The following SLC25A20 variants were observed in gnomAD, a reference collection of about 807,000 sequenced individuals.
SLC25A20 encodes mitochondrial carnitine/acylcarnitine carrier protein.
A neutral mutation model predicts 39.7 loss-of-function variants in SLC25A20; 29 were observed. The ratio of observed to expected loss-of-function variants is 0.73; its 90% CI spans 0.54 to 1.00. The LOEUF (loss-of-function observed/expected upper bound fraction) is 1.00. SLC25A20 is among the 50% of genes least tolerant of loss of function. SLC25A20 has a pLI of 0.00. For missense variants in SLC25A20, 333 were observed against 379.9 expected (o/e 0.88, Z 1.03); for synonymous variants, 103 against 142.2 (o/e 0.72, Z 1.96).
chr3:48,877,345 C>T (rs769603653), intron 4 of SLC25A20, among the ~76,000 whole-genome samples: 10 of 151,948 alleles, frequency 6.6e-5, no homozygotes, highest in Non-Finnish European at 1.2e-4. Context: ...ACCCAAGAGG[C>T]GGAGGTTGCG....
intron 4 of SLC25A20, 80 bp downstream of exon 4, chr3:48,879,278 A>T: frequency 9.4e-7 from 1 of 1,067,082 alleles, no homozygotes; most frequent in South Asian, 1.3e-5. Flanking sequence ...AGCCTTTATT[A>T]AGGGTGAAAG....
Position 48,857,666 on chromosome 3 carries a change from G to A in SLC25A20, c.*44C>T, listed in dbSNP as rs775097672. The A allele has an allele frequency of 1.1e-5, 18 of 1,590,398 alleles. No homozygotes were observed. The highest frequency in any genetic ancestry group is 3.4e-5 in the Admixed American group (2 of 59,456). Reference sequence around the variant, plus strand: ...CTGCTTACTACTCCTTCTCCTCAACGACAGCTTCCAGCATCCAGAAGTGAA... The same window carrying A: ...CTGCTTACTACTCCTTCTCCTCAACAACAGCTTCCAGCATCCAGAAGTGAA... On this transcript the variant is annotated 3_prime_UTR_variant, in exon 9 of 9. Transcript: ENST00000319017.
intron 3 of SLC25A20, among the ~76,000 whole-genome samples, chr3:48,881,438 G>T (rs2083795082): frequency 6.6e-6 from 1 of 152,080 alleles, no homozygotes; most frequent in South Asian, 2.1e-4. Context: ...GGTGTCATGT[G>T]GACACTCAAT....
intron 1 of SLC25A20, among the ~76,000 whole-genome samples, chr3:48,897,568 A>G (rs2083919551): frequency 6.6e-6 from 1 of 151,924 alleles, no homozygotes; most frequent in African/African-American, 2.4e-5. Context: ...ATGTTGCACA[A>G]TGACCTAGCC....
chr3:48,871,982 A>AT (rs71077746), intron 4 of SLC25A20, among the ~76,000 whole-genome samples: 36,253 of 56,686 alleles, frequency 0.64, 14,221 homozygotes, highest in East Asian at 0.95. Flanking sequence ...TGCCCAGCTA[A>AT]TTTTTTTTTT....
In SLC25A20 at chr3:48,891,994, T is replaced by A; in HGVS notation, c.184A>T (p.Thr62Ser). ...YSGTFDCFRKTLFREGITGLY... is the reference protein window; with the variant it reads ...YSGTFDCFRKSLFREGITGLY... ...CATATACCAACCTCTCTAAAAAGAG[T>A]CTTCCGGAAACAGTCAAAGGTCCCA... The change falls in exon 2 of 9, where the codon ACT becomes TCT. Residue 62 changes from threonine to serine, a missense_variant. By Grantham distance (58) the Thr-to-Ser change is moderately conservative. Coordinates refer to ENST00000319017, the MANE Select transcript of SLC25A20 (RefSeq NM_000387.6). 1 of 1,613,184 alleles carries A rather than the reference T, an allele frequency of 6.2e-7. No individual in the cohort carries two copies. Among genetic ancestry groups the A allele is most frequent in the Non-Finnish European group, 8.5e-7 (1 of 1,179,622 alleles).
At chr3:48,870,815 T>A (rs2083709324) in intron 4 of SLC25A20, among the ~76,000 whole-genome samples, 1 of 16,496 alleles carries the variant, frequency 6.1e-5, no homozygotes, top group Non-Finnish European at 1.2e-4. Context: ...AGGAATCAGA[T>A]TTTTTTTTTT....
intron 4 of SLC25A20, among the ~76,000 whole-genome samples, chr3:48,864,495 A>G (rs2083651313): frequency 1.3e-5 from 2 of 152,042 alleles, no homozygotes; most frequent in Admixed American, 1.3e-4. Flanking sequence ...AAAGTTTTCA[A>G]TAAGAAAGAT....
In SLC25A20 at chr3:48,862,619, A is replaced by C. The variant is rs1402507190; in HGVS notation, c.458T>G (p.Leu153Trp). 6.2e-7 allele frequency: 1 copy of C among 1,613,956 alleles called. No individual in the cohort carries two copies. The highest frequency in any genetic ancestry group is 8.5e-7 in the Non-Finnish European group (1 of 1,179,930). The change falls in exon 5 of 9, where the codon TTG becomes TGG. Residue 153 changes from leucine to tryptophan, a missense_variant. Leu to Trp is a moderately conservative substitution (Grantham distance 61). Coordinates refer to ENST00000319017, the MANE Select transcript of SLC25A20 (RefSeq NM_000387.6). ...CTGGTACAGCTTCTTTGCACAGTCC[A>C]AGGTACCAGTGTACTTGCTTTCTCC... ...SSGESKYTGT[L>W]DCAKKLYQEF...
At chr3:48,874,010 C>T (rs6446253) in intron 4 of SLC25A20, among the ~76,000 whole-genome samples, 95,399 of 145,068 alleles carry the variant, frequency 0.66, 31,875 homozygotes, top group East Asian at 0.96. Context: ...AGACTTAGGG[C>T]GAGCATGATG....
intron 2 of SLC25A20, among the ~76,000 whole-genome samples, chr3:48,889,805 A>AAAAGCTT (rs1199655280): frequency 1.3e-5 from 2 of 152,368 alleles, no homozygotes; most frequent in Admixed American, 1.3e-4. Flanking sequence ...TATAAACATT[A>AAAAGCTT]TTAATCATTA....
intron 5 of SLC25A20, among the ~76,000 whole-genome samples, chr3:48,861,415 C>G (rs1174197595): frequency 1.3e-5 from 2 of 152,176 alleles, no homozygotes; most frequent in African/African-American, 4.8e-5. Context: ...AGTACAAACA[C>G]ACATGATATA....
At chr3:48,885,273 G>GAAA (rs900821464) in intron 2 of SLC25A20, among the ~76,000 whole-genome samples, 4 of 137,136 alleles carry the variant, frequency 2.9e-5, no homozygotes, top group Non-Finnish European at 6.4e-5. Context: ...CCCATCTCTA[G>GAAA]AAAAAAAAAA....
intron 3 of SLC25A20, among the ~76,000 whole-genome samples, chr3:48,879,825 T>C (rs1319882326): frequency 6.6e-6 from 1 of 152,138 alleles, no homozygotes; most frequent in Non-Finnish European, 1.5e-5. Context: ...CAATTCTCCC[T>C]AGTTAACATG....
chr3:48,859,623 G>A lies in SLC25A20; in HGVS notation c.540C>T (p.Val180=). Residue 180 remains valine, a synonymous_variant, in exon 6 of 9, where the codon GTC becomes GTT. Coordinates refer to ENST00000319017, the MANE Select transcript of SLC25A20 (RefSeq NM_000387.6). ...TCATGAAATACATTCCACTAGCTGG[G>A]ACATCTGTTAGTGGCAAGAAAAAGG... ...KGTVLTLMRD[V]PASGMYFMTY... The A allele has an allele frequency of 6.2e-7, 1 of 1,611,354 alleles. No individual in the cohort carries two copies. The highest frequency in any genetic ancestry group is 1.1e-5 in the South Asian group (1 of 91,018).
chr3:48,894,101 T>C (rs755512515), intron 1 of SLC25A20, among the ~76,000 whole-genome samples: 3 of 144,214 alleles, frequency 2.1e-5, no homozygotes, highest in African/African-American at 7.8e-5. Context: ...GCAGAGGTTG[T>C]GGTGAGTCAA....
chr3:48,862,178 G>A (rs1029925762), intron 5 of SLC25A20, among the ~76,000 whole-genome samples: 16 of 152,206 alleles, frequency 1.1e-4, no homozygotes, highest in Non-Finnish European at 1.3e-4. Flanking sequence ...GAGTGAGACT[G>A]TCTCTGCCTT....
intron 4 of SLC25A20, among the ~76,000 whole-genome samples, chr3:48,873,836 G>A (rs2106647730): frequency 1.3e-5 from 2 of 151,718 alleles, no homozygotes; most frequent in African/African-American, 4.8e-5. Flanking sequence ...GGGCACGGTG[G>A]CAGGCGCCTG....
chr3:48,859,317 G>A (rs1053143086), intron 6 of SLC25A20, 116 bp from the exon 7 acceptor site: 2 of 948,630 alleles, frequency 2.1e-6, no homozygotes, highest in African/African-American at 1.6e-5. Context: ...TTGGAGGGAG[G>A]AGGTATAAGG....
Sources: allele counts gnomAD v4.1 joint callset (sites outside exome capture counted in the v4.1 genomes callset), GRCh38; gene constraint gnomAD v4.1.1; transcripts MANE v1.5; gene names NCBI Gene and HGNC (gene_info 2026-07-23, HGNC 2026-07-21).